Variants in ABCB10 observed in about 807,000 individuals in gnomAD.
ABCB10 encodes the protein ATP binding cassette subfamily B member 10.
In ABCB10, 54 loss-of-function variants were observed where a neutral mutation model predicts 65.4. The observed-to-expected ratio is 0.83, with a 90% CI of 0.66 to 1.04. The LOEUF (loss-of-function observed/expected upper bound fraction) is 1.04. Among genes scored for constraint, ABCB10 ranks in the 50% least tolerant of loss-of-function variants. The pLI, the probability that ABCB10 is intolerant of heterozygous loss-of-function variation, is 0.00. For missense variants in ABCB10, 846 were observed against 976.6 expected (o/e 0.87, Z 1.78); for synonymous variants, 418 against 406.5 (o/e 1.03, Z -0.34).
intron 5 of ABCB10, among the ~76,000 whole-genome samples, chr1:229,540,233 A>T (rs1238241504): frequency 6.6e-6 from 1 of 152,174 alleles, no homozygotes; most frequent in Non-Finnish European, 1.5e-5. Flanking sequence ...TAATCCTTAG[A>T]CTTTGCTGGC....
intron 6 of ABCB10, among the ~76,000 whole-genome samples, chr1:229,537,313 T>C (rs1662743188): frequency 6.6e-6 from 1 of 152,264 alleles, no homozygotes; most frequent in Admixed American, 6.5e-5. Flanking sequence ...ACAGTACTTC[T>C]GACTTCATCT....
intron 3 of ABCB10, among the ~76,000 whole-genome samples, chr1:229,545,637 A>G (rs986881502): frequency 4.6e-5 from 7 of 152,250 alleles, no homozygotes; most frequent in Non-Finnish European, 7.3e-5. Flanking sequence ...TGTACATTTT[A>G]TAAAATCTAA....
chr1:229,543,368 G>A (rs1662896853), intron 3 of ABCB10, among the ~76,000 whole-genome samples: 1 of 152,164 alleles, frequency 6.6e-6, no homozygotes, highest in African/African-American at 2.4e-5. Context: ...GCAATTTGGT[G>A]ATTGTACTTT....
intron 3 of ABCB10, among the ~76,000 whole-genome samples, chr1:229,544,802 A>G (rs899645993): frequency 4.6e-5 from 7 of 152,220 alleles, no homozygotes; most frequent in Admixed American, 4.6e-4. Flanking sequence ...GTGTCCTTAT[A>G]AGAGACACTA....
rs189865664 is a variant in ABCB10, at chr1:229,519,503, G to C, written c.1951-628C>G. 8.2e-3 allele frequency among the ~76,000 whole-genome samples: 1,246 copies of C among 152,252 alleles called. 9 individuals carry two copies. Among genetic ancestry groups the C allele is most frequent in the Non-Finnish European group, 0.013 (870 of 68,004 alleles). ...TGAGATGAGAATCTAAAATGAGTAA[G>C]ATGGCCGGACGTGGTGGCTCACGAC... is the stretch of plus-strand genomic sequence containing the variant. On this transcript the variant is annotated intron_variant, in intron 11 of 12. Coordinates refer to ENST00000344517, the MANE Select transcript of ABCB10 (RefSeq NM_012089.3).
rs1662469570 is a variant in ABCB10 at position 229,527,325 on chromosome 1, GA to G, written c.1646-18del. On this transcript the variant is annotated intron_variant, in intron 8 of 12. Transcript: ENST00000344517. ...TAATAGTTCCTTGTTGAGAGGAAAG[GA>G]AAGGAAAGAGTCACTGAGTGTGATG... 6.2e-7 allele frequency: 1 copy of G among 1,607,708 alleles called. No individual in the cohort carries two copies. The highest frequency in any genetic ancestry group is 8.5e-7 in the Non-Finnish European group (1 of 1,175,180).
At position 229,531,740 on chromosome 1, in the gene ABCB10, G is replaced by A. The variant is rs752909428; in HGVS notation, c.1340-9C>T. 6.2e-7 allele frequency: 1 copy of A among 1,612,756 alleles called. No homozygotes were observed. Among genetic ancestry groups the A allele is most frequent in the East Asian group, 2.2e-5 (1 of 44,824 alleles). On this transcript the variant is annotated splice_polypyrimidine_tract_variant and intron_variant, in intron 6 of 12. Transcript: ENST00000344517. ...GTAGAAAGAGCTCAGACCTGAGGAT[G>A]AGAAGCAGAATCCACACACATGTCC...
Position 229,531,505 on chromosome 1 carries a change from C to T in ABCB10, c.1435+131G>A, listed in dbSNP as rs544007186. On this transcript the variant is annotated intron_variant, in intron 7 of 12. Transcript: ENST00000344517. The stretch of plus-strand genomic sequence containing the variant: ...AAAACCTGACCACCTCCTCACCCGG[C>T]CCGCCATGCAGCAGGAGCCACATCC... 6 of 885,270 alleles carry T rather than the reference C, an allele frequency of 6.8e-6. No individual in the cohort carries two copies. In the East Asian group the frequency reaches 1.0e-4, roughly 15 times the overall value. 54.8% of individuals were successfully genotyped at this position (885,270 alleles called of 1,614,324 possible).
In ABCB10 at chr1:229,558,228, C is replaced by T. The variant is rs766099664; in HGVS notation, c.425G>A (p.Gly142Glu). 55 of 1,362,158 alleles carry T rather than the reference C, an allele frequency of 4.0e-5. No homozygotes were observed. In the Admixed American group the frequency reaches 1.7e-3, roughly 43 times the overall value. 84.4% of individuals were successfully genotyped at this position (1,362,158 alleles called of 1,614,324 possible). The change falls in exon 1 of 13, where the codon GGG becomes GAG. Residue 142 changes from glycine (G) to glutamate (E), a missense_variant. Physicochemically the swap from Gly to Glu is moderately conservative, Grantham distance 98. Around this residue, in one of 2 missense-constraint regions of ABCB10, gnomAD observed 632 missense variants for 803.2 expected, o/e 0.79. Transcript: ENST00000344517. ...AWRRGPAAPP[G>E]DKGRLRPAAA... is the part of the protein sequence containing the mutation. ...TGCGGGGCGCAGCCGCCCCTTGTCC[C>T]CGGGAGGCGCCGCCGGCCCGCGCCG... is the stretch of plus-strand genomic sequence containing the variant.
intron 8 of ABCB10, among the ~76,000 whole-genome samples, chr1:229,527,830 T>C (rs1662481752): frequency 6.6e-6 from 1 of 152,230 alleles, no homozygotes; most frequent in African/African-American, 2.4e-5. Flanking sequence ...TTCTGCAAAC[T>C]GTCCTGGAAG....
At position 229,518,221 on chromosome 1, in the gene ABCB10, T is replaced by C; in HGVS notation, c.2175A>G (p.Ile725Met). 1 of 1,614,210 alleles carries C rather than the reference T, an allele frequency of 6.2e-7. No individual in the cohort carries two copies. Among genetic ancestry groups the C allele is most frequent in the Non-Finnish European group, 8.5e-7 (1 of 1,180,026 alleles). The change falls in exon 13 of 13, where the codon ATA becomes ATG. Residue 725 changes from isoleucine (I) to methionine (M), a missense_variant. By Grantham distance (10) the Ile-to-Met change is conservative. Coordinates refer to ENST00000344517, the MANE Select transcript of ABCB10 (RefSeq NM_012089.3). ...HEELLSKPNGIYRKLMNKQSF... is the reference protein window; with the variant it reads ...HEELLSKPNGMYRKLMNKQSF... ...TTTGTTTGTTCATTAGTTTTCTGTA[T>C]ATCCCATTTGGTTTTGAAAGCAGCT...
intron 9 of ABCB10, among the ~76,000 whole-genome samples, chr1:229,526,717 G>A (rs1160675727): frequency 6.6e-6 from 1 of 152,192 alleles, no homozygotes; most frequent in Admixed American, 6.5e-5. Flanking sequence ...AACAGCTGCA[G>A]CAACATTTCC....
At chr1:229,551,437 T>A (rs1193036785) in intron 1 of ABCB10, among the ~76,000 whole-genome samples, 1 of 152,236 alleles carries the variant, frequency 6.6e-6, no homozygotes, top group Admixed American at 6.5e-5. Flanking sequence ...TTGCCTACAG[T>A]GACAGGCACA....
Position 229,558,342 on chromosome 1 carries a change from G to A in ABCB10, c.311C>T (p.Ala104Val). The A allele has an allele frequency of 2.4e-6, 3 of 1,259,538 alleles. No homozygotes were observed. The highest frequency in any genetic ancestry group is 3.0e-6 in the Non-Finnish European group (3 of 991,720). 78.0% of individuals were successfully genotyped at this position (1,259,538 alleles called of 1,614,324 possible). A position where few individuals can be genotyped will look rare whatever the true frequency, so the allele number is the denominator to read the frequency against. ...CCGAGGAGCGCCTGGCCCGGCAAAA[G>A]CCCCGCACCTGCAGCTGCCGGGGCC... ...ARGPGSCRCG[A>V]FAGPGAPRLP... The change falls in exon 1 of 13, where the codon GCT (alanine) becomes GTT (valine). Residue 104 changes from alanine (A) to valine (V), a missense_variant. By Grantham distance (64) the Ala-to-Val change is moderately conservative. This residue lies in a region of ABCB10 where 214 missense variants were observed against 173.5 expected (regional missense o/e 1.23). Transcript: ENST00000344517.
At chr1:229,548,119 A>T (rs1458463642) in intron 2 of ABCB10, among the ~76,000 whole-genome samples, 1 of 151,666 alleles carries the variant, frequency 6.6e-6, no homozygotes, top group Non-Finnish European at 1.5e-5. Context: ...CTCCCACCTC[A>T]GCCTCCTGGG....
At chr1:229,520,737 C>T (rs568138981) in intron 11 of ABCB10, among the ~76,000 whole-genome samples, 51 of 152,320 alleles carry the variant, frequency 3.3e-4, no homozygotes, top group South Asian at 3.1e-3. Context: ...AGTACTGATA[C>T]AAACTACAAA....
chr1:229,555,889 C>T (rs561642555), intron 1 of ABCB10, among the ~76,000 whole-genome samples: 4 of 150,496 alleles, frequency 2.7e-5, no homozygotes, highest in African/African-American at 9.8e-5. Flanking sequence ...TATATAATAA[C>T]TTCTCAGGAA....
intron 8 of ABCB10, 131 bp downstream of exon 8, chr1:229,530,068 C>G (rs1393485638): frequency 2.2e-6 from 2 of 912,526 alleles, no homozygotes; most frequent in Non-Finnish European, 3.4e-6. Flanking sequence ...GGATTTCTTT[C>G]CACTGGCACT....
chr1:229,542,476 T>G (rs1433069876), intron 3 of ABCB10, 105 bp from the exon 4 acceptor site: 1 of 1,358,206 alleles, frequency 7.4e-7, no homozygotes, highest in African/African-American at 1.5e-5. Context: ...TCTGTGTGTG[T>G]GTGTGTTTAA....
Sources: allele counts gnomAD v4.1 joint callset (sites outside exome capture counted in the v4.1 genomes callset), GRCh38; gene constraint gnomAD v4.1.1; regional missense constraint gnomAD v4.1.1; transcripts MANE v1.5; gene names NCBI Gene and HGNC (gene_info 2026-07-23, HGNC 2026-07-21).